The following ARHGEF28 variants were observed in gnomAD, a reference collection of about 807,000 sequenced individuals.
ARHGEF28 encodes the protein Rho guanine nucleotide exchange factor 28.
In ARHGEF28, 152 loss-of-function variants were observed where a neutral mutation model predicts 206.6. That is an observed-to-expected ratio of 0.74 (90% confidence interval 0.64 to 0.84). The LOEUF (loss-of-function observed/expected upper bound fraction) is 0.84. ARHGEF28 is among the 40% of genes least tolerant of loss of function. The probability of loss-of-function intolerance (pLI) is 0.00; values close to 1 mark genes in which losing one functional copy is unlikely to be tolerated. For synonymous variants in ARHGEF28, 763 were observed against 776.4 expected, an observed-to-expected ratio of 0.98 and a Z score of 0.29; for missense variants, 2,028 against 2,073.2, an observed-to-expected ratio of 0.98 and a Z score of 0.42.
chr5:73,753,669 G>T (rs1752149407), intron 4 of ARHGEF28, among the ~76,000 whole-genome samples: 1 of 152,190 alleles, frequency 6.6e-6, no homozygotes, highest in Non-Finnish European at 1.5e-5. Flanking sequence ...GTGTCACTGA[G>T]AGCATTTGTG....
intron 33 of ARHGEF28, among the ~76,000 whole-genome samples, chr5:73,906,664 A>G (rs910834395): frequency 3.9e-5 from 6 of 152,230 alleles, no homozygotes; most frequent in Admixed American, 2.0e-4. Context: ...TCGGTCAGTC[A>G]TCTCTTATTC....
At chr5:73,863,590 C>T (rs939983405) in intron 16 of ARHGEF28, among the ~76,000 whole-genome samples, 3 of 151,990 alleles carry the variant, frequency 2.0e-5, no homozygotes, top group Admixed American at 1.3e-4. Flanking sequence ...ACATCCTATT[C>T]TCCCTCCATG....
intron 16 of ARHGEF28, among the ~76,000 whole-genome samples, chr5:73,861,147 G>A (rs1186216771): frequency 4.6e-5 from 7 of 152,132 alleles, no homozygotes; most frequent in African/African-American, 1.4e-4. Context: ...CTAATCACAC[G>A]ATGACTCCCG....
chr5:73,798,133 G>A (rs2962278), intron 9 of ARHGEF28, among the ~76,000 whole-genome samples: 62,057 of 151,794 alleles, frequency 0.41, 13,155 homozygotes, highest in Non-Finnish European at 0.47. Context: ...TTTAGGGTAC[G>A]TGAGATGTTT....
chr5:73,929,885 C>T (rs74677586), intron 35 of ARHGEF28, among the ~76,000 whole-genome samples: 4,950 of 152,026 alleles, frequency 0.033, 160 homozygotes, highest in African/African-American at 0.08. Flanking sequence ...TTGTTTTTAA[C>T]GCTTATATAG....
At position 73,845,011 on chromosome 5, in the gene ARHGEF28, A is replaced by ATTTTTTTTT. The variant is rs70973277; in HGVS notation, c.1428-1241_1428-1233dup. On this transcript the variant is annotated intron_variant, in intron 11 of 35. Transcript: ENST00000513042. ...CTAAGGTAGAGTTTTCAAAGGAATC[A>ATTTTTTTTT]TTTTTTTTTTTTTTTTTTTTTTTTG... Among the ~76,000 whole-genome samples, 152 of 99,358 alleles carry ATTTTTTTTT rather than the reference A, an allele frequency of 1.5e-3. 3 individuals carry two copies. The highest frequency in any genetic ancestry group is 5.8e-3 in the African/African-American group (144 of 24,852). 65.2% of individuals were successfully genotyped at this position (99,358 alleles called of 152,430 possible). A position where few individuals can be genotyped will look rare whatever the true frequency, so the allele number is the denominator to read the frequency against.
chr5:73,892,060 G>A lies in ARHGEF28; in HGVS notation c.3396G>A (p.Lys1132=), dbSNP rs1260881616. ...CTTCCTATTTTATGTAGGATCAGAA[G>A]CCATCAGTTATTTCCCTTCAAAAGC... ...QKYIFAAVDQ[K]PSVISLQKLI... is the part of the protein sequence containing the mutation. The change falls in exon 27 of 36, where the codon AAG becomes AAA. Residue 1132 remains lysine (K), a synonymous_variant. Transcript: ENST00000513042. 2 of 1,600,884 alleles carry A rather than the reference G, an allele frequency of 1.2e-6. No individual in the cohort carries two copies. Among genetic ancestry groups the A allele is most frequent in the Non-Finnish European group, 8.5e-7 (1 of 1,172,964 alleles).
rs778560778 is a variant in ARHGEF28 at position 73,753,121 on chromosome 5, T to A, written c.394T>A (p.Leu132Met). ...CTTGACGGCAGGAGCACTGCCTGCC[T>A]TGGATGAGGAGCTCGTGCTGGCTCT... The part of the protein sequence containing the change: ...FALTAGALPA[L>M]DEELVLALTH... Residue 132 changes from leucine to methionine, a missense_variant, in exon 4 of 36, where the codon TTG becomes ATG. Leu to Met is a conservative substitution (Grantham distance 15). This residue lies in a region of ARHGEF28 where 1,002 missense variants were observed against 1,015.3 expected (regional missense o/e 0.99). Coordinates refer to ENST00000513042, the MANE Select transcript of ARHGEF28 (RefSeq NM_001177693.2). The A allele has an allele frequency of 6.3e-7, 1 of 1,585,196 alleles. No individual in the cohort carries two copies. Among genetic ancestry groups the A allele is most frequent in the Non-Finnish European group, 8.6e-7 (1 of 1,165,872 alleles).
chr5:73,893,616 G>C (rs753247028), intron 28 of ARHGEF28, among the ~76,000 whole-genome samples: 1 of 152,194 alleles, frequency 6.6e-6, no homozygotes, highest in Non-Finnish European at 1.5e-5. Context: ...CAATGACTTT[G>C]GACAAGGAAC....
intron 9 of ARHGEF28, among the ~76,000 whole-genome samples, chr5:73,817,008 G>A (rs1198080506): frequency 6.6e-6 from 1 of 152,140 alleles, no homozygotes; most frequent in Non-Finnish European, 1.5e-5. Flanking sequence ...ATCAAGAAAT[G>A]TATTGCTTAT....
intron 26 of ARHGEF28, 76 bp downstream of exon 26, chr5:73,887,755 T>G: frequency 8.2e-7 from 1 of 1,218,498 alleles, no homozygotes; most frequent in Non-Finnish European, 1.1e-6. Flanking sequence ...CTAAAATTCC[T>G]AGTGAAATAT....
At chr5:73,828,082 G>T (rs1431222856) in intron 9 of ARHGEF28, 1 of 151,906 alleles carries the variant, frequency 6.6e-6, no homozygotes, top group African/African-American at 2.4e-5. Context: ...TTAAAAAAAT[G>T]AAACTATTAT....
At chr5:73,665,546 A>C (rs2112200660) in intron 1 of ARHGEF28, among the ~76,000 whole-genome samples, 1 of 152,246 alleles carries the variant, frequency 6.6e-6, no homozygotes, top group South Asian at 2.1e-4. Context: ...AGATGGGGTA[A>C]TTTATAAAGA....
chr5:73,905,383 A>G (rs935337814), intron 33 of ARHGEF28: 2 of 152,084 alleles, frequency 1.3e-5, no homozygotes, highest in Non-Finnish European at 2.9e-5. Context: ...ACCTTAGACC[A>G]TGCAAAGAAA....
At chr5:73,706,512 G>A (rs1748943519) in intron 2 of ARHGEF28, among the ~76,000 whole-genome samples, 1 of 152,000 alleles carries the variant, frequency 6.6e-6, no homozygotes, top group Admixed American at 6.6e-5. Flanking sequence ...ACTTGAATAT[G>A]AGCTCTGTGA....
intron 11 of ARHGEF28, 110 bp from the exon 12 acceptor site, chr5:73,846,158 A>C: frequency 4.6e-5 from 42 of 918,200 alleles, no homozygotes; most frequent in Non-Finnish European, 5.4e-5. Flanking sequence ...ATGAATACCT[A>C]TTGCACCCCC....
chr5:73,872,915 T>C (rs1760199326), intron 21 of ARHGEF28, 84 bp from the exon 22 acceptor site: 2 of 1,451,926 alleles, frequency 1.4e-6, no homozygotes, highest in East Asian at 2.3e-5. Flanking sequence ...GCGTAACATA[T>C]AGTGTTGAGT....
intron 1 of ARHGEF28, among the ~76,000 whole-genome samples, chr5:73,674,853 C>T (rs561990759): frequency 3.9e-5 from 6 of 152,296 alleles, no homozygotes; most frequent in South Asian, 2.1e-4. Context: ...TGGCAGAACA[C>T]GTGGAGGTTC....
chr5:73,695,602 T>C (rs866762392), intron 2 of ARHGEF28, among the ~76,000 whole-genome samples: 1 of 152,228 alleles, frequency 6.6e-6, no homozygotes, highest in Middle Eastern at 3.2e-3. Flanking sequence ...TGATTTCTGT[T>C]ACCATCCCAC....
Sources: allele counts gnomAD v4.1 joint callset (sites outside exome capture counted in the v4.1 genomes callset), GRCh38; gene constraint gnomAD v4.1.1; regional missense constraint gnomAD v4.1.1; transcripts MANE v1.5; gene names NCBI Gene and HGNC (gene_info 2026-07-23, HGNC 2026-07-21).